Variants in GUCY1B1 observed in about 807,000 individuals in gnomAD.
GUCY1B1 encodes guanylate cyclase soluble subunit beta-1.
In GUCY1B1, 43 loss-of-function variants were observed where a neutral mutation model predicts 71.0. The ratio of observed to expected loss-of-function variants is 0.61; its 90% CI spans 0.47 to 0.78. The LOEUF (loss-of-function observed/expected upper bound fraction) is 0.78, where lower values mean the gene tolerates loss of function less well. Among genes scored for constraint, GUCY1B1 ranks in the 30% least tolerant of loss-of-function variants. The pLI is 0.00. For missense variants in GUCY1B1, 535 were observed against 754.1 expected, an observed-to-expected ratio of 0.71 and a Z score of 3.40; for synonymous variants, 266 against 259.7, an observed-to-expected ratio of 1.02 and a Z score of -0.23.
intron 4 of GUCY1B1, among the ~76,000 whole-genome samples, chr4:155,780,827 ATTACTGTTTATTATTTAAT>A (rs1181470766): frequency 2.0e-5 from 3 of 152,208 alleles, no homozygotes; most frequent in Non-Finnish European, 4.4e-5. Context: ...AACATCCTAA[ATTACTGTTTATTATTTAAT>A]TTACAGGGTA....
intron 2 of GUCY1B1, among the ~76,000 whole-genome samples, chr4:155,774,459 T>C (rs1409071656): frequency 6.6e-6 from 1 of 152,218 alleles, no homozygotes. Flanking sequence ...TCCACTGCTC[T>C]ACTCTGCTTT....
chr4:155,777,303 T>G (rs1738119019), intron 3 of GUCY1B1, among the ~76,000 whole-genome samples: 1 of 152,230 alleles, frequency 6.6e-6, no homozygotes, highest in Non-Finnish European at 1.5e-5. Context: ...ACTGGTTGCT[T>G]TGCTTGTAAA....
intron 4 of GUCY1B1, among the ~76,000 whole-genome samples, chr4:155,788,647 G>A (rs1738957654): frequency 2.0e-5 from 3 of 152,152 alleles, no homozygotes; most frequent in South Asian, 2.1e-4. Flanking sequence ...TTTCAGCCTC[G>A]TCTGAAATGT....
At position 155,759,321 on chromosome 4, in the gene GUCY1B1, T is replaced by C. The variant is rs889052941; in HGVS notation, c.3+178T>C. 4 of 608,456 alleles carry C rather than the reference T, an allele frequency of 6.6e-6. No individual in the cohort carries two copies. In the African/African-American group the frequency reaches 7.9e-5, roughly 12 times the overall value. The allele number at this position is 608,456 out of a possible 1,614,324, so 37.7% of individuals were successfully genotyped here. A position where few individuals can be genotyped will look rare whatever the true frequency, so the allele number is the denominator to read the frequency against. Reference sequence around the variant, plus strand: ...TCAGGGGAGGTGGGAACGCCGCGAGTCGTGGCGGGGGCGATCGGTGCCTTT... The same window carrying C: ...TCAGGGGAGGTGGGAACGCCGCGAGCCGTGGCGGGGGCGATCGGTGCCTTT... On this transcript the variant is annotated intron_variant, in intron 1 of 13. Coordinates refer to ENST00000264424, the MANE Select transcript of GUCY1B1 (RefSeq NM_000857.5).
Position 155,806,707 on chromosome 4 carries a change from A to G in GUCY1B1, c.*298A>G. 1 of 342,194 alleles carries G rather than the reference A, an allele frequency of 2.9e-6. No homozygotes were observed. Among genetic ancestry groups the G allele is most frequent in the Non-Finnish European group, 5.3e-6 (1 of 189,452 alleles). The allele number at this position is 342,194 out of a possible 1,614,324, so 21.2% of individuals were successfully genotyped here. ...TTACCTAACATGGTGATCTGCAAGT[A>G]GTAGGCACCCAATAAATATTTGTTG... On this transcript the variant is annotated 3_prime_UTR_variant, in exon 14 of 14. Transcript: ENST00000264424.
intron 3 of GUCY1B1, 98 bp from the exon 4 acceptor site, chr4:155,777,426 C>G (rs1160157311): frequency 1.4e-6 from 1 of 709,314 alleles, no homozygotes; most frequent in African/African-American, 1.8e-5. Flanking sequence ...AAATTGAAGA[C>G]ATTTTACATT....
At chr4:155,786,736 G>A (rs991887518) in intron 4 of GUCY1B1, among the ~76,000 whole-genome samples, 1 of 151,758 alleles carries the variant, frequency 6.6e-6, no homozygotes, top group African/African-American at 2.4e-5. Context: ...GCCTCCCAAA[G>A]TGCTGGGATT....
chr4:155,802,713 A>G lies in GUCY1B1; in HGVS notation c.1413+134A>G, dbSNP rs1740044397. On this transcript the variant is annotated intron_variant, in intron 10 of 13. Coordinates refer to ENST00000264424, the MANE Select transcript of GUCY1B1 (RefSeq NM_000857.5). The surrounding 1 kb of genome is among the most constrained non-coding windows in gnomAD (Gnocchi z 4.3). ...GAGTACAGTGAGCCTCCATGTATTC[A>G]CTCTTTACCATGTTCTTAAATAATT... is the stretch of plus-strand genomic sequence containing the variant. 1.5e-6 allele frequency: 1 copy of G among 657,924 alleles called. No individual in the cohort carries two copies. The highest frequency in any genetic ancestry group is 3.3e-5 in the Admixed American group (1 of 30,486). The allele number at this position is 657,924 out of a possible 1,614,324, so 40.8% of individuals were successfully genotyped here.
At chr4:155,761,402 C>T (rs1396041761) in intron 2 of GUCY1B1, among the ~76,000 whole-genome samples, 3 of 151,952 alleles carry the variant, frequency 2.0e-5, no homozygotes, top group Non-Finnish European at 4.4e-5. Flanking sequence ...GATAGAAATT[C>T]CCAAATTTGC....
chr4:155,794,756 T>G (rs567325251), intron 6 of GUCY1B1, among the ~76,000 whole-genome samples: 1 of 152,114 alleles, frequency 6.6e-6, no homozygotes, highest in East Asian at 1.9e-4. Context: ...GGAAGCAGAG[T>G]AGTGTGCTGT....
chr4:155,793,356 C>T (rs948145869), intron 5 of GUCY1B1, among the ~76,000 whole-genome samples: 2 of 152,136 alleles, frequency 1.3e-5, no homozygotes, highest in African/African-American at 2.4e-5. Flanking sequence ...GGATTACAGG[C>T]GTGAGCCACT....
chr4:155,759,416 C>A (rs547480354), intron 1 of GUCY1B1: 64 of 543,412 alleles, frequency 1.2e-4, no homozygotes, highest in Non-Finnish European at 1.6e-4. Flanking sequence ...GCGGCGGAGG[C>A]GTGGGGTCTT....
intron 8 of GUCY1B1, among the ~76,000 whole-genome samples, chr4:155,797,028 A>T (rs939234534): frequency 6.6e-6 from 1 of 152,228 alleles, no homozygotes; most frequent in African/African-American, 2.4e-5. Flanking sequence ...ATTAAAATGT[A>T]TGTAAAATGT....
At position 155,795,382 on chromosome 4, in the gene GUCY1B1, G is replaced by A; in HGVS notation, c.768G>A (p.Leu256=). Residue 256 remains leucine (L), a synonymous_variant, in exon 7 of 14, where the codon CTG becomes CTA. Transcript: ENST00000264424. ...GNCSLLSVFS[L]VRPHIDISFH... ...GCAGCCTTCTGTCTGTCTTCTCGCT[G>A]GTTCGTCCTCATATTGATATTAGTT... The A allele has an allele frequency of 6.2e-7, 1 of 1,610,650 alleles. No homozygotes were observed. The highest frequency in any genetic ancestry group is 8.5e-7 in the Non-Finnish European group (1 of 1,177,482).
At chr4:155,764,501 G>A (rs1167396353) in intron 2 of GUCY1B1, among the ~76,000 whole-genome samples, 2 of 152,148 alleles carry the variant, frequency 1.3e-5, no homozygotes, top group East Asian at 3.8e-4. Flanking sequence ...CAGGTTTAAT[G>A]CTTCTTTTAA....
intron 5 of GUCY1B1, among the ~76,000 whole-genome samples, chr4:155,792,131 A>G (rs762044343): frequency 1.7e-4 from 26 of 152,124 alleles, no homozygotes; most frequent in Admixed American, 1.5e-3. Context: ...TTTCAAAAGC[A>G]CTGTTTTGAC....
At chr4:155,769,550 G>T (rs1338638852) in intron 2 of GUCY1B1, among the ~76,000 whole-genome samples, 2 of 152,200 alleles carry the variant, frequency 1.3e-5, no homozygotes, top group East Asian at 3.9e-4. Context: ...TTGGGATTTG[G>T]TAGGACTTTT....
At chr4:155,772,757 A>T (rs1346564450) in intron 2 of GUCY1B1, 1 of 702,418 alleles carries the variant, frequency 1.4e-6, no homozygotes, top group Middle Eastern at 2.3e-4. Context: ...GCTTTATGTG[A>T]TTTGCTCCGG....
chr4:155,789,634 G>A (rs970149791), intron 4 of GUCY1B1, 80 bp from the exon 5 acceptor site: 5 of 809,998 alleles, frequency 6.2e-6, no homozygotes, highest in Admixed American at 2.3e-5. Flanking sequence ...GATTTGACTC[G>A]TTTTCATATC....
Sources: gnomAD v4.1 joint callset for allele counts (sites outside exome capture counted in the v4.1 genomes callset) on GRCh38, gnomAD v4.1.1 for gene constraint, Gnocchi (gnomAD v3.1) non-coding constraint, MANE v1.5 for transcripts, NCBI Gene and HGNC (gene_info 2026-07-23, HGNC 2026-07-21) for gene names.